The following TLE1 variants were observed in gnomAD, a reference collection of about 807,000 sequenced individuals.
TLE1 encodes transducin-like enhancer protein 1.
Under a neutral mutation model 89.8 loss-of-function variants are expected in TLE1, and 21 were observed. The ratio of observed to expected loss-of-function variants is 0.23; its 90% CI spans 0.17 to 0.34. The LOEUF (loss-of-function observed/expected upper bound fraction) is 0.34. Among genes scored for constraint, TLE1 ranks in the 10% least tolerant of loss-of-function variants. The pLI is 1.00. For missense variants in TLE1, 795 were observed against 1,031.2 expected, an observed-to-expected ratio of 0.77 and a Z score of 3.14; for synonymous variants, 447 against 407.6, an observed-to-expected ratio of 1.10 and a Z score of -1.16.
chr9:81,643,958 G>A (rs1167481105), intron 6 of TLE1, among the ~76,000 whole-genome samples: 2 of 152,116 alleles, frequency 1.3e-5, no homozygotes, highest in African/African-American at 4.8e-5. Context: ...TGTGAAGGTG[G>A]ATCCACTACA....
chr9:81,661,835 G>C (rs1438408142), intron 4 of TLE1, among the ~76,000 whole-genome samples: 1 of 152,130 alleles, frequency 6.6e-6, no homozygotes, highest in Non-Finnish European at 1.5e-5. Flanking sequence ...AGTAAGGTAG[G>C]TCATTCAGGA....
chr9:81,658,310 A>G (rs986324447), intron 4 of TLE1, among the ~76,000 whole-genome samples: 1 of 152,182 alleles, frequency 6.6e-6, no homozygotes, highest in East Asian at 1.9e-4. Flanking sequence ...CGACTGTACT[A>G]TGTAAGTTGG....
intron 14 of TLE1, among the ~76,000 whole-genome samples, chr9:81,607,137 G>A (rs535500409): frequency 5.9e-5 from 9 of 151,880 alleles, no homozygotes; most frequent in Non-Finnish European, 1.2e-4. Flanking sequence ...GGCCAATGGC[G>A]ATTTTGACCA....
In TLE1 at chr9:81,613,447, G is replaced by A. The variant is rs1451375498; in HGVS notation, c.993C>T (p.Thr331=). The change falls in exon 12 of 20, where the codon ACC becomes ACT. Residue 331 remains threonine (T), a synonymous_variant. Transcript: ENST00000376499. ...CTGGACGGAGGCCTGGAGTGGCGCT[G>A]GTGCCCGGCGTTGGCATGTCGCTCC... ...TPRSDMPTPG[T]SATPGLRPGL... is the part of the protein sequence containing the mutation. 7 of 1,614,196 alleles carry A rather than the reference G, an allele frequency of 4.3e-6. No individual in the cohort carries two copies. The highest frequency in any genetic ancestry group is 2.2e-5 in the South Asian group (2 of 91,082).
At chr9:81,622,589 C>CT (rs1334279332) in intron 8 of TLE1, among the ~76,000 whole-genome samples, 1 of 152,230 alleles carries the variant, frequency 6.6e-6, no homozygotes, top group African/African-American at 2.4e-5. Context: ...TTTGAGGCCT[C>CT]TGCGTCTATG....
chr9:81,585,200 C>A (rs1261658412), intron 18 of TLE1, among the ~76,000 whole-genome samples: 1 of 152,140 alleles, frequency 6.6e-6, no homozygotes, highest in East Asian at 1.9e-4. Flanking sequence ...CTCCATTCTT[C>A]AATAAATTCC....
At chr9:81,607,721 T>TCC (rs1831875505) in intron 14 of TLE1, among the ~76,000 whole-genome samples, 1 of 151,602 alleles carries the variant, frequency 6.6e-6, no homozygotes. Flanking sequence ...CCCAAGGACC[T>TCC]CCCAGGCTGG....
intron 2 of TLE1, 80 bp downstream of exon 2, chr9:81,687,254 C>A: frequency 8.2e-7 from 1 of 1,213,066 alleles, no homozygotes; most frequent in Non-Finnish European, 1.2e-6. Context: ...GAACTAAGTA[C>A]AGGCGCCGCC....
chr9:81,633,509 A>G (rs974879259), intron 7 of TLE1, 145 bp from the exon 8 acceptor site: 5 of 1,063,802 alleles, frequency 4.7e-6, no homozygotes, highest in East Asian at 2.6e-5. Context: ...GTCATTGCAC[A>G]TTCCTAATAC....
At chr9:81,626,920 G>A (rs1234269226) in intron 8 of TLE1, among the ~76,000 whole-genome samples, 3 of 152,090 alleles carry the variant, frequency 2.0e-5, no homozygotes, top group Admixed American at 6.6e-5. Context: ...TGACACTGCC[G>A]TTCCCCAGCT....
At chr9:81,684,785 C>T (rs545637010) in intron 4 of TLE1, among the ~76,000 whole-genome samples, 21 of 151,818 alleles carry the variant, frequency 1.4e-4, no homozygotes, top group Non-Finnish European at 2.8e-4. Flanking sequence ...ATTGTACCAG[C>T]GTCTTGATGA....
At chr9:81,602,471 T>C (rs1429853874) in intron 14 of TLE1, among the ~76,000 whole-genome samples, 1 of 152,164 alleles carries the variant, frequency 6.6e-6, no homozygotes, top group Admixed American at 6.6e-5. Context: ...ATACAGACCT[T>C]ATGCACTTAG....
In TLE1 at chr9:81,669,085, T is replaced by C. The variant is rs1222711749; in HGVS notation, c.235-15049A>G. On this transcript the variant is annotated intron_variant, in intron 4 of 19. Coordinates refer to ENST00000376499, the MANE Select transcript of TLE1 (RefSeq NM_005077.5). The stretch of plus-strand genomic sequence containing the variant: ...TTTGTGTGGTTCCCACAGGGCTGGG[T>C]TGGCTCAATAATGCTGCACTCCTTC... Among the ~76,000 whole-genome samples, 3 of 152,222 alleles carry C rather than the reference T, an allele frequency of 2.0e-5. No individual in the cohort carries two copies. In the East Asian group the frequency reaches 5.8e-4, roughly 29 times the overall value.
Position 81,584,041 on chromosome 9 carries a change from T to C in TLE1, c.*157A>G. 3.1e-6 allele frequency: 2 copies of C among 652,504 alleles called. No individual in the cohort carries two copies. Among genetic ancestry groups the C allele is most frequent in the Admixed American group, 2.7e-5 (1 of 36,454 alleles). 40.4% of individuals were successfully genotyped at this position (652,504 alleles called of 1,614,324 possible). A position where few individuals can be genotyped will look rare whatever the true frequency, so the allele number is the denominator to read the frequency against. ...AGGTGACTTTCTGCTGATGGACTTGTCGCCTCCTCTTTGTAGACTCAAAGT... is the reference window on the plus strand; with the variant it reads ...AGGTGACTTTCTGCTGATGGACTTGCCGCCTCCTCTTTGTAGACTCAAAGT... On this transcript the variant is annotated 3_prime_UTR_variant, in exon 20 of 20. Coordinates refer to ENST00000376499, the MANE Select transcript of TLE1 (RefSeq NM_005077.5).
At chr9:81,585,300 A>G (rs1004179357) in intron 18 of TLE1, among the ~76,000 whole-genome samples, 16 of 152,254 alleles carry the variant, frequency 1.1e-4, no homozygotes, top group Middle Eastern at 3.4e-3. Context: ...AGGCAATCAC[A>G]TTGCCTGCTG....
At chr9:81,611,166 C>T (rs1163349540) in intron 13 of TLE1, among the ~76,000 whole-genome samples, 2 of 152,166 alleles carry the variant, frequency 1.3e-5, no homozygotes, top group Middle Eastern at 3.2e-3. Flanking sequence ...TTTGTTTCTT[C>T]TTGTTCAAAA....
chr9:81,584,227 T>C lies in TLE1; in HGVS notation c.2284A>G (p.Lys762Glu). The C allele has an allele frequency of 3.1e-6, 5 of 1,614,218 alleles. No individual in the cohort carries two copies. Among genetic ancestry groups the C allele is most frequent in the Non-Finnish European group, 4.2e-6 (5 of 1,180,022 alleles). Residue 762 changes from lysine to glutamate, a missense_variant, in exon 20 of 20, where the codon AAG becomes GAG. Lys to Glu is a moderately conservative substitution (Grantham distance 56). Transcript: ENST00000376499. ...KYIVTGSGDKKATVYEVIY is the reference protein window; with the variant it reads ...KYIVTGSGDKEATVYEVIY ...TAGATGACTTCATAGACTGTAGCCT[T>C]CTTGTCCCCCGAGCCAGTGACTATG...
rs1448319240 is a variant in TLE1, at chr9:81,653,981, G to A, written c.290C>T (p.Ser97Phe). 6.2e-7 allele frequency: 1 copy of A among 1,613,812 alleles called. No homozygotes were observed. The highest frequency in any genetic ancestry group is 8.5e-7 in the Non-Finnish European group (1 of 1,179,938). The change falls in exon 5 of 20, where the codon TCT becomes TTT. Residue 97 changes from serine to phenylalanine, a missense_variant. By Grantham distance (155) the Ser-to-Phe change is radical. Transcript: ENST00000376499. ...TICAQVIPFL[S>F]QEHQQQVAQA... ...CTGAACAATTTTACTTACTTCCTGA[G>A]ACAGAAATGGGATGACTTGTGCACA...
intron 4 of TLE1, among the ~76,000 whole-genome samples, chr9:81,672,183 G>C (rs564366965): frequency 2.0e-5 from 3 of 152,156 alleles, no homozygotes; most frequent in Non-Finnish European, 4.4e-5. Context: ...CAACTTGTCT[G>C]AACTGTGCCC....
Sources: gnomAD v4.1 joint callset for allele counts (sites outside exome capture counted in the v4.1 genomes callset) on GRCh38, gnomAD v4.1.1 for gene constraint, MANE v1.5 for transcripts, NCBI Gene and HGNC (gene_info 2026-07-23, HGNC 2026-07-21) for gene names.